Variants in MAOB observed in about 807,000 individuals in gnomAD.
The protein encoded by MAOB is monoamine oxidase B.
In MAOB, 15 loss-of-function variants were observed where a neutral mutation model predicts 41.9. The ratio of observed to expected loss-of-function variants is 0.36; its 90% CI spans 0.24 to 0.55. The LOEUF (loss-of-function observed/expected upper bound fraction) is 0.55. Among genes scored for constraint, MAOB ranks in the 20% least tolerant of loss-of-function variants. The pLI is 0.86. For synonymous variants in MAOB, 167 were observed against 144.2 expected (o/e 1.16, Z -1.13); for missense variants, 345 against 398.7 (o/e 0.87, Z 1.15).
intron 7 of MAOB, among the ~76,000 whole-genome samples, chrX:43,795,388 C>G: frequency 9.0e-6 from 1 of 111,157 alleles, no homozygotes; most frequent in Non-Finnish European, 1.9e-5. Flanking sequence ...AAGGAACCTC[C>G]AGTTGTGCAG....
intron 14 of MAOB, among the ~76,000 whole-genome samples, chrX:43,768,242 T>A (rs1250125782): frequency 8.9e-6 from 1 of 112,304 alleles, no homozygotes; most frequent in Non-Finnish European, 1.9e-5. Context: ...AAAATAAAAT[T>A]TTAATCTAAA....
chrX:43,806,685 T>G (rs2034665874), intron 3 of MAOB, among the ~76,000 whole-genome samples: 4 of 111,778 alleles, frequency 3.6e-5, no homozygotes. Flanking sequence ...TTCCACTTTC[T>G]GGAGATGGAG....
chrX:43,795,700 G>A (rs1487211876), intron 7 of MAOB, 39 bp downstream of exon 7: 1 of 1,094,878 alleles, frequency 9.1e-7, no homozygotes, highest in Non-Finnish European at 1.2e-6. Flanking sequence ...AGGAAACTGG[G>A]ATGAAGATCA....
intron 3 of MAOB, among the ~76,000 whole-genome samples, chrX:43,812,855 G>C (rs1314906525): frequency 1.8e-5 from 2 of 112,193 alleles, no homozygotes; most frequent in East Asian, 2.8e-4. Context: ...AAAGGCCTGG[G>C]ATTGTCCACA....
intron 1 of MAOB, among the ~76,000 whole-genome samples, chrX:43,853,524 G>C (rs1289689286): frequency 9.0e-6 from 1 of 111,196 alleles, no homozygotes; most frequent in African/African-American, 3.3e-5. Context: ...AATTGAGTAT[G>C]CCTCAAAATT....
At chrX:43,839,028 T>C in intron 2 of MAOB, 23 bp from the exon 3 acceptor site, 1 of 1,102,942 alleles carries the variant, frequency 9.1e-7, no homozygotes, top group Non-Finnish European at 1.2e-6. Flanking sequence ...AGGAAAAAAT[T>C]AAAAAAAATT....
intron 12 of MAOB, 107 bp from the exon 13 acceptor site, chrX:43,769,525 A>G (rs2034154545): frequency 9.6e-7 from 1 of 1,039,564 alleles, no homozygotes; most frequent in South Asian, 3.0e-5. Context: ...TAAACAATCA[A>G]GAAGGACATT....
chrX:43,784,384 C>G (rs1295627762), intron 8 of MAOB, among the ~76,000 whole-genome samples: 1 of 112,419 alleles, frequency 8.9e-6, no homozygotes, highest in Non-Finnish European at 1.9e-5. Context: ...GAAATTACTC[C>G]TTGATCCATG....
At chrX:43,808,739 C>A (rs911742830) in intron 3 of MAOB, among the ~76,000 whole-genome samples, 7 of 109,736 alleles carry the variant, frequency 6.4e-5, no homozygotes, top group Non-Finnish European at 1.3e-4. Context: ...GAGTCTTGCT[C>A]TGCTGCCCAG....
At chrX:43,826,051 A>G (rs2034941988) in intron 3 of MAOB, among the ~76,000 whole-genome samples, 1 of 112,389 alleles carries the variant, frequency 8.9e-6, no homozygotes, top group Non-Finnish European at 1.9e-5. Flanking sequence ...ATTTTTCTAT[A>G]TATTTTATTT....
intron 3 of MAOB, among the ~76,000 whole-genome samples, chrX:43,806,890 G>A (rs922189539): frequency 6.3e-5 from 7 of 111,180 alleles, no homozygotes; most frequent in Non-Finnish European, 1.1e-4. Context: ...GTCGGCTCCT[G>A]AGTCCCTTTG....
intron 3 of MAOB, among the ~76,000 whole-genome samples, chrX:43,831,395 G>A (rs1021154178): frequency 9.0e-6 from 1 of 110,563 alleles, no homozygotes; most frequent in Non-Finnish European, 1.9e-5. Context: ...AGAAAGCAAC[G>A]AATTACTCCA....
intron 1 of MAOB, chrX:43,850,338 T>C: frequency 1.3e-6 from 1 of 743,107 alleles, no homozygotes; most frequent in South Asian, 6.9e-5. Context: ...TCACCTGGAG[T>C]CTATCAATGT....
chrX:43,842,118 T>C (rs2035144119), intron 2 of MAOB, among the ~76,000 whole-genome samples: 1 of 112,052 alleles, frequency 8.9e-6, no homozygotes, highest in Non-Finnish European at 1.9e-5. Context: ...GAACAATTAA[T>C]AAAATGATAG....
chrX:43,834,020 T>C (rs1235854019), intron 3 of MAOB, among the ~76,000 whole-genome samples: 1 of 112,397 alleles, frequency 8.9e-6, no homozygotes, highest in Non-Finnish European at 1.9e-5. Context: ...GAGAGAAAAT[T>C]ACTATTCTCC....
intron 6 of MAOB, 137 bp from the exon 7 acceptor site, chrX:43,796,025 GTT>G (rs2034523689): frequency 1.3e-5 from 8 of 629,664 alleles, no homozygotes; most frequent in Non-Finnish European, 1.8e-5. Context: ...TTTCACCATG[GTT>G]TTCTAAGTAG....
intron 3 of MAOB, among the ~76,000 whole-genome samples, chrX:43,811,756 GA>G (rs1323906873): frequency 9.0e-6 from 1 of 111,442 alleles, no homozygotes; most frequent in Non-Finnish European, 1.9e-5. Flanking sequence ...ATGTTTTGAT[GA>G]TACAGGCATG....
rs1374584798 is a variant in MAOB, at chrX:43,795,747, T to C, written c.760A>G (p.Met254Val). Residue 254 changes from methionine (M) to valine (V), a missense_variant, in exon 7 of 15, where the codon ATG (methionine) becomes GTG (valine). Transcript: ENST00000378069. ...CACAATATCACAGTTACCTCATACA[T>C]CTCATGGTTTAGGGTCTCCACAAGG... is the stretch of plus-strand genomic sequence containing the variant. ...NVLVETLNHE[M>V]YEAKYVISAI... 2 of 1,199,853 alleles carry C rather than the reference T, an allele frequency of 1.7e-6. No homozygotes were observed. The highest frequency in any genetic ancestry group is 2.3e-6 in the Non-Finnish European group (2 of 886,998).
At chrX:43,815,890 G>A (rs777505395) in intron 3 of MAOB, among the ~76,000 whole-genome samples, 1 of 111,898 alleles carries the variant, frequency 8.9e-6, no homozygotes, top group South Asian at 3.7e-4. Flanking sequence ...ACACATACAC[G>A]AAAATGTTAA....
Sources: allele counts gnomAD v4.1 joint callset (sites outside exome capture counted in the v4.1 genomes callset), GRCh38; gene constraint gnomAD v4.1.1; transcripts MANE v1.5; gene names NCBI Gene and HGNC (gene_info 2026-07-23, HGNC 2026-07-21).